FOXP1: variants seen among roughly 807,000 people sequenced by gnomAD.
FOXP1 encodes forkhead box protein P1.
In FOXP1, 15 loss-of-function variants were observed where a neutral mutation model predicts 98.2. The observed-to-expected ratio is 0.15, with a 90% CI of 0.10 to 0.24. The LOEUF (loss-of-function observed/expected upper bound fraction) is 0.24. FOXP1 is among the 10% of genes least tolerant of loss of function. The pLI is 1.00. For missense variants in FOXP1, 633 were observed against 848.5 expected, an observed-to-expected ratio of 0.75 and a Z score of 3.15; for synonymous variants, 371 against 314.5, an observed-to-expected ratio of 1.18 and a Z score of -1.90.
intron 2 of FOXP1, among the ~76,000 whole-genome samples, chr3:71,557,939 C>T (rs1329003838): frequency 6.6e-6 from 1 of 152,204 alleles, no homozygotes; most frequent in Non-Finnish European, 1.5e-5. Flanking sequence ...GCCTCAGCCT[C>T]CTAAGTAGCT....
At chr3:71,294,981 T>C (rs2073139601) in intron 5 of FOXP1, among the ~76,000 whole-genome samples, 1 of 152,202 alleles carries the variant, frequency 6.6e-6, no homozygotes, top group African/African-American at 2.4e-5. Flanking sequence ...ATTGGTCTGG[T>C]TGTTTCACGA....
At chr3:71,215,348 T>C (rs1380403549) in intron 5 of FOXP1, among the ~76,000 whole-genome samples, 1 of 152,116 alleles carries the variant, frequency 6.6e-6, no homozygotes, top group African/African-American at 2.4e-5. Context: ...GGAACAAAAA[T>C]CAATACAGTT....
intron 3 of FOXP1, among the ~76,000 whole-genome samples, chr3:71,463,868 A>G (rs530475629): frequency 5.9e-5 from 9 of 152,284 alleles, no homozygotes; most frequent in African/African-American, 2.2e-4. Context: ...ATGCTGGCCA[A>G]GAGGAAGACA....
chr3:71,501,990 T>C (rs2041411370), intron 2 of FOXP1, among the ~76,000 whole-genome samples: 1 of 152,170 alleles, frequency 6.6e-6, no homozygotes. Flanking sequence ...CGACAGCGCC[T>C]GGAACACAGA....
At chr3:71,124,643 C>A (rs1259719684) in intron 6 of FOXP1, among the ~76,000 whole-genome samples, 137 of 121,298 alleles carry the variant, frequency 1.1e-3, no homozygotes, top group Middle Eastern at 4.3e-3. Flanking sequence ...AACTGTGTGT[C>A]AAAAAAAAAA....
intron 6 of FOXP1, among the ~76,000 whole-genome samples, chr3:71,167,120 C>T (rs1174604481): frequency 1.3e-5 from 2 of 152,026 alleles, no homozygotes; most frequent in Non-Finnish European, 2.9e-5. Flanking sequence ...TGCAGTTCCC[C>T]TGTGCCACAG....
chr3:71,451,303 G>T, intron 3 of FOXP1, among the ~76,000 whole-genome samples: 1 of 152,242 alleles, frequency 6.6e-6, no homozygotes, highest in Middle Eastern at 3.4e-3. Flanking sequence ...TCTAAAGAGG[G>T]TGATGTTAAC....
At chr3:71,014,383 A>G (rs1003792825) in intron 12 of FOXP1, among the ~76,000 whole-genome samples, 3 of 152,238 alleles carry the variant, frequency 2.0e-5, no homozygotes, top group Non-Finnish European at 2.9e-5. Flanking sequence ...CAACAGACAC[A>G]TGAAAAAATG....
At chr3:71,524,131 G>C (rs1477491803) in intron 2 of FOXP1, among the ~76,000 whole-genome samples, 1 of 152,170 alleles carries the variant, frequency 6.6e-6, no homozygotes, top group Non-Finnish European at 1.5e-5. Flanking sequence ...GTTTCTTGCT[G>C]AATGGCCCCA....
chr3:71,347,848 G>A (rs2077469847), intron 4 of FOXP1, among the ~76,000 whole-genome samples: 2 of 150,446 alleles, frequency 1.3e-5, no homozygotes, highest in Admixed American at 6.7e-5. Context: ...TCGTGCCACC[G>A]AACTCCGGCT....
chr3:71,036,237 T>C (rs908046113), intron 11 of FOXP1, among the ~76,000 whole-genome samples: 1 of 152,138 alleles, frequency 6.6e-6, no homozygotes, highest in Admixed American at 6.5e-5. Flanking sequence ...GCGACAGTAA[T>C]ACACAGGGCT....
At chr3:71,496,763 C>A (rs2091444496) in intron 2 of FOXP1, among the ~76,000 whole-genome samples, 1 of 151,824 alleles carries the variant, frequency 6.6e-6, no homozygotes, top group African/African-American at 2.4e-5. Context: ...GCTGAGATTG[C>A]GCCAATGCAC....
At chr3:71,485,800 T>C (rs995142526) in intron 3 of FOXP1, among the ~76,000 whole-genome samples, 2 of 146,394 alleles carry the variant, frequency 1.4e-5, no homozygotes, top group Non-Finnish European at 3.0e-5. Flanking sequence ...ACCACAGAAA[T>C]AATGCAGTGT....
At chr3:71,278,735 T>TCA (rs1269053016) in intron 5 of FOXP1, among the ~76,000 whole-genome samples, 1 of 152,162 alleles carries the variant, frequency 6.6e-6, no homozygotes, top group African/African-American at 2.4e-5. Flanking sequence ...TAAGCAGAGA[T>TCA]CATGCCACTG....
At chr3:71,548,352 A>G (rs2045523964) in intron 2 of FOXP1, among the ~76,000 whole-genome samples, 2 of 152,204 alleles carry the variant, frequency 1.3e-5, no homozygotes, top group Admixed American at 1.3e-4. Flanking sequence ...AAACAGCCTC[A>G]TAACAGTCTA....
At chr3:71,101,233 G>A (rs1178567465) in intron 7 of FOXP1, among the ~76,000 whole-genome samples, 1 of 152,164 alleles carries the variant, frequency 6.6e-6, no homozygotes, top group African/African-American at 2.4e-5. Flanking sequence ...GGACAAAAGG[G>A]ATCTGCTGGA....
At chr3:71,385,094 C>T (rs565356634) in intron 3 of FOXP1, among the ~76,000 whole-genome samples, 15 of 141,410 alleles carry the variant, frequency 1.1e-4, no homozygotes, top group Non-Finnish European at 1.5e-4. Context: ...AGAAGGGGCA[C>T]GGGAAAAGGA....
At chr3:71,447,588 G>T (rs1052856047) in intron 3 of FOXP1, among the ~76,000 whole-genome samples, 1 of 152,174 alleles carries the variant, frequency 6.6e-6, no homozygotes, top group Admixed American at 6.5e-5. Context: ...GACAGAAACT[G>T]AGAGGACCCA....
chr3:71,406,405 G>GTATATATATATATATATATATATATA lies in FOXP1; in HGVS notation c.-167-47162_-167-47161insTATATATATATATATATATATATATA, dbSNP rs60423991. Among the ~76,000 whole-genome samples, 904 of 105,536 alleles carry GTATATATATATATATATATATATATA rather than the reference G, an allele frequency of 8.6e-3. 118 individuals are homozygous for GTATATATATATATATATATATATATA. The highest frequency in any genetic ancestry group is 0.012 in the Non-Finnish European group (536 of 44,764). 69.2% of individuals were successfully genotyped at this position (105,536 alleles called of 152,430 possible). On this transcript the variant is annotated intron_variant, in intron 3 of 20. Coordinates refer to ENST00000649528, the MANE Select transcript of FOXP1 (RefSeq NM_001349338.3). ...TAATTGACACATAATAACTGTATGT[G>GTATATATATATATATATATATATATA]TATATATATATATATATATGGTACA...
Sources: gnomAD v4.1 joint callset for allele counts (sites outside exome capture counted in the v4.1 genomes callset) on GRCh38, gnomAD v4.1.1 for gene constraint, MANE v1.5 for transcripts, NCBI Gene and HGNC (gene_info 2026-07-23, HGNC 2026-07-21) for gene names.